The following CERS6 variants were observed in gnomAD, a reference collection of about 807,000 sequenced individuals.
CERS6 encodes the protein LAG1 homolog, ceramide synthase 6.
In CERS6, 26 loss-of-function variants were observed where a neutral mutation model predicts 56.8. The observed-to-expected ratio is 0.46, with a 90% CI of 0.34 to 0.63. CERS6 has a LOEUF of 0.63. CERS6 is among the 30% of genes least tolerant of loss of function. The probability of loss-of-function intolerance (pLI) is 0.01; values close to 1 mark genes in which losing one functional copy is unlikely to be tolerated. For synonymous variants in CERS6, 164 were observed against 173.3 expected (o/e 0.95, Z 0.42); for missense variants, 415 against 467.5 (o/e 0.89, Z 1.04).
intron 1 of CERS6, among the ~76,000 whole-genome samples, chr2:168,485,371 C>T (rs892575467): frequency 3.9e-5 from 6 of 152,106 alleles, no homozygotes; most frequent in African/African-American, 1.4e-4. Flanking sequence ...TCATAGTTTA[C>T]ATAAGTATTC....
intron 1 of CERS6, among the ~76,000 whole-genome samples, chr2:168,541,073 A>G (rs1695359162): frequency 1.3e-5 from 2 of 152,080 alleles, no homozygotes; most frequent in African/African-American, 2.4e-5. Context: ...GGGAGCTGGC[A>G]TGTGCAGAGA....
chr2:168,767,902 G>A (rs1175427551), intron 9 of CERS6, among the ~76,000 whole-genome samples: 1 of 152,160 alleles, frequency 6.6e-6, no homozygotes, highest in Non-Finnish European at 1.5e-5. Flanking sequence ...ATGAAGGGAG[G>A]CCACCAGGTC....
intron 8 of CERS6, among the ~76,000 whole-genome samples, chr2:168,745,947 C>G (rs1156435693): frequency 6.6e-6 from 1 of 152,180 alleles, no homozygotes; most frequent in Non-Finnish European, 1.5e-5. Context: ...CCTCCCAGGC[C>G]CATCAGTGTA....
chr2:168,730,071 G>A (rs944625379), intron 8 of CERS6, among the ~76,000 whole-genome samples: 1 of 152,200 alleles, frequency 6.6e-6, no homozygotes, highest in Non-Finnish European at 1.5e-5. Context: ...TGCAGCCCAT[G>A]TGCGTCTTTC....
Position 168,772,294 on chromosome 2 carries a change from A to G in CERS6, c.*2632A>G, listed in dbSNP as rs891662431. Reference sequence around the variant, plus strand: ...GGGTATGTAGAAAGGATTCCAGAAGAAGTAATACTTTATTCTCTAATGTTA... The same window carrying G: ...GGGTATGTAGAAAGGATTCCAGAAGGAGTAATACTTTATTCTCTAATGTTA... On this transcript the variant is annotated 3_prime_UTR_variant, in exon 10 of 10. Coordinates refer to ENST00000305747, the MANE Select transcript of CERS6 (RefSeq NM_203463.3). The G allele has an allele frequency of 6.6e-6, 1 of 152,622 alleles. No individual in the cohort carries two copies. Among genetic ancestry groups the G allele is most frequent in the Non-Finnish European group, 1.5e-5 (1 of 68,024 alleles). 9.5% of individuals were successfully genotyped at this position (152,622 alleles called of 1,614,324 possible). A position where few individuals can be genotyped will look rare whatever the true frequency, so the allele number is the denominator to read the frequency against.
chr2:168,518,189 G>A (rs925092104), intron 1 of CERS6, among the ~76,000 whole-genome samples: 2 of 152,124 alleles, frequency 1.3e-5, no homozygotes, highest in African/African-American at 2.4e-5. Flanking sequence ...CTGTAAAATC[G>A]AGCTGGCTCT....
intron 8 of CERS6, among the ~76,000 whole-genome samples, chr2:168,732,102 C>G (rs929059406): frequency 1.3e-5 from 2 of 152,090 alleles, no homozygotes; most frequent in Admixed American, 6.6e-5. Flanking sequence ...GCACTTGACC[C>G]CCTTCTTCTT....
intron 1 of CERS6, among the ~76,000 whole-genome samples, chr2:168,529,436 A>C (rs1214998550): frequency 6.6e-6 from 1 of 152,120 alleles, no homozygotes; most frequent in Non-Finnish European, 1.5e-5. Context: ...TCCTCATTAA[A>C]CTCTGCATAT....
At chr2:168,578,868 AT>A (rs1193522961) in intron 3 of CERS6, among the ~76,000 whole-genome samples, 1 of 152,052 alleles carries the variant, frequency 6.6e-6, no homozygotes, top group East Asian at 1.9e-4. Flanking sequence ...TTATCTCAAC[AT>A]TTTTTTCCTA....
chr2:168,529,706 A>T (rs1695132014), intron 1 of CERS6, among the ~76,000 whole-genome samples: 1 of 152,208 alleles, frequency 6.6e-6, no homozygotes, highest in East Asian at 1.9e-4. Context: ...TTACTGAAAC[A>T]CCAGAATCTT....
intron 8 of CERS6, among the ~76,000 whole-genome samples, chr2:168,719,023 T>G (rs1687295881): frequency 6.6e-6 from 1 of 152,230 alleles, no homozygotes; most frequent in Non-Finnish European, 1.5e-5. Flanking sequence ...GTCTAGAATA[T>G]CCATTCTTTG....
At chr2:168,487,175 C>T (rs1042926744) in intron 1 of CERS6, among the ~76,000 whole-genome samples, 1 of 152,176 alleles carries the variant, frequency 6.6e-6, no homozygotes, top group Non-Finnish European at 1.5e-5. Flanking sequence ...TGATGATCCA[C>T]TTGTACTGCA....
intron 8 of CERS6, among the ~76,000 whole-genome samples, chr2:168,750,035 A>G (rs1027886366): frequency 2.0e-5 from 3 of 152,216 alleles, no homozygotes; most frequent in South Asian, 2.1e-4. Context: ...GAGAGGGGCA[A>G]TTAACTTCCA....
intron 2 of CERS6, among the ~76,000 whole-genome samples, chr2:168,553,195 G>T (rs970924474): frequency 1.3e-5 from 2 of 152,012 alleles, no homozygotes; most frequent in African/African-American, 4.8e-5. Flanking sequence ...TGAATTAAAT[G>T]AAAGAAACCA....
intron 8 of CERS6, among the ~76,000 whole-genome samples, chr2:168,723,690 C>T (rs1683254817): frequency 6.6e-6 from 1 of 152,106 alleles, no homozygotes; most frequent in South Asian, 2.1e-4. Context: ...CTTGTTAATA[C>T]TGTTATGAGT....
At chr2:168,747,288 CA>C (rs1171096050) in intron 8 of CERS6, among the ~76,000 whole-genome samples, 20 of 103,438 alleles carry the variant, frequency 1.9e-4, no homozygotes, top group Non-Finnish European at 3.1e-4. Context: ...CCTGTCTCAA[CA>C]AATTTTTTTT....
intron 1 of CERS6, among the ~76,000 whole-genome samples, chr2:168,506,171 C>T (rs1388284246): frequency 1.3e-5 from 2 of 152,162 alleles, no homozygotes; most frequent in Non-Finnish European, 1.5e-5. Flanking sequence ...TCTCTTTGAG[C>T]TGTGAAAGAA....
At chr2:168,644,139 A>C (rs1685115339) in intron 4 of CERS6, 15 of 982,808 alleles carry the variant, frequency 1.5e-5, no homozygotes, top group Non-Finnish European at 1.7e-5. Flanking sequence ...TATTTTTGGC[A>C]TCAGGCAGCA....
chr2:168,669,173 T>A (rs1355147546), intron 4 of CERS6, among the ~76,000 whole-genome samples: 1 of 152,246 alleles, frequency 6.6e-6, no homozygotes, highest in African/African-American at 2.4e-5. Context: ...TCTCTGTCTT[T>A]ATGCTCTACC....
Sources: gnomAD v4.1 joint callset for allele counts (sites outside exome capture counted in the v4.1 genomes callset) on GRCh38, gnomAD v4.1.1 for gene constraint, MANE v1.5 for transcripts, NCBI Gene and HGNC (gene_info 2026-07-23, HGNC 2026-07-21) for gene names.